The following HMCN1 variants were observed in gnomAD, a reference collection of about 807,000 sequenced individuals.
The protein encoded by HMCN1 is hemicentin-1.
HMCN1 carries 321 observed loss-of-function variants against 625.9 expected under a neutral mutation model. The ratio of observed to expected loss-of-function variants is 0.51; its 90% CI spans 0.47 to 0.56. HMCN1 has a LOEUF of 0.56. HMCN1 is among the 20% of genes least tolerant of loss of function. HMCN1 has a pLI of 0.00. For missense variants in HMCN1, 6,588 were observed against 6,887.3 expected (o/e 0.96, Z 1.54); for synonymous variants, 2,425 against 2,417.6 (o/e 1.00, Z -0.09).
At chr1:185,983,750 G>GAGTA (rs1651818678) in intron 18 of HMCN1, among the ~76,000 whole-genome samples, 1 of 152,206 alleles carries the variant, frequency 6.6e-6, no homozygotes, top group Non-Finnish European at 1.5e-5. Flanking sequence ...CCCTTGGCAT[G>GAGTA]AGTAAGTGCC....
intron 69 of HMCN1, among the ~76,000 whole-genome samples, chr1:186,105,930 A>G (rs1457066193): frequency 6.6e-6 from 1 of 152,202 alleles, no homozygotes; most frequent in African/African-American, 2.4e-5. Flanking sequence ...TTCTTAGGAA[A>G]TGGCACATCA....
chr1:185,743,349 G>A (rs1654116031), intron 1 of HMCN1, among the ~76,000 whole-genome samples: 1 of 152,162 alleles, frequency 6.6e-6, no homozygotes, highest in African/African-American at 2.4e-5. Flanking sequence ...TGCCTTTTTG[G>A]TGATAATATA....
In HMCN1 at chr1:186,190,432, T is replaced by C. The variant is rs568909011; in HGVS notation, c.*554T>C. ...ATTTTATAAAATATAGTACAGCTAC[T>C]ATAAGGCTTGTTTGATCCCAAATGG... On this transcript the variant is annotated 3_prime_UTR_variant, in exon 107 of 107. Coordinates refer to ENST00000271588, the MANE Select transcript of HMCN1 (RefSeq NM_031935.3). 8 of 197,628 alleles carry C rather than the reference T, an allele frequency of 4.0e-5. No homozygotes were observed. Among genetic ancestry groups the C allele is most frequent in the East Asian group, 8.0e-5 (1 of 12,506 alleles). The allele number at this position is 197,628 out of a possible 1,614,324, so 12.2% of individuals were successfully genotyped here.
intron 98 of HMCN1, 102 bp downstream of exon 98, chr1:186,165,275 C>A (rs1651810309): frequency 4.0e-6 from 4 of 1,010,916 alleles, no homozygotes; most frequent in Non-Finnish European, 4.6e-6. Context: ...ATTTAATCTT[C>A]ACAACAGTTC....
At chr1:186,065,458 A>C (rs752502767) in intron 49 of HMCN1, 29 bp downstream of exon 49, 2 of 1,516,712 alleles carry the variant, frequency 1.3e-6, no homozygotes, top group Admixed American at 4.1e-5. Flanking sequence ...TCATATCTTA[A>C]AGAATCTGAC....
At chr1:186,138,006 A>AACTTTTCTATC in intron 89 of HMCN1, 34 bp downstream of exon 89, 1 of 1,611,146 alleles carries the variant, frequency 6.2e-7, no homozygotes, top group Non-Finnish European at 8.5e-7. Context: ...AGATAAACAA[A>AACTTTTCTATC]ACTTTTCTAT....
At chr1:185,927,395 C>T (rs1005133103) in intron 9 of HMCN1, among the ~76,000 whole-genome samples, 1 of 152,070 alleles carries the variant, frequency 6.6e-6, no homozygotes, top group African/African-American at 2.4e-5. Flanking sequence ...CAAGAAGAAC[C>T]ACTGGCATGT....
chr1:186,062,423 G>T, intron 47 of HMCN1, 91 bp from the exon 48 acceptor site: 1 of 776,820 alleles, frequency 1.3e-6, no homozygotes, highest in South Asian at 1.4e-5. Flanking sequence ...TGTTTTGAAG[G>T]TTATAGCTTA....
Position 185,994,924 on chromosome 1 carries a change from C to A in HMCN1, c.3615C>A (p.Ser1205=). The change falls in exon 24 of 107, where the codon TCC becomes TCA. Residue 1205 remains serine (S), a synonymous_variant. Transcript: ENST00000271588. ...CTCCTCTTCCTGTAATCACCTGGTCCAAAGGTGGAAGCACTATGCTGGTTG... is the reference window on the plus strand; with the variant it reads ...CTCCTCTTCCTGTAATCACCTGGTCAAAAGGTGGAAGCACTATGCTGGTTG... The part of the protein sequence containing the change: ...QGTPLPVITW[S]KGGSTMLVDG... 1 of 1,613,822 alleles carries A rather than the reference C, an allele frequency of 6.2e-7. No homozygotes were observed. The highest frequency in any genetic ancestry group is 8.5e-7 in the Non-Finnish European group (1 of 1,179,822).
At chr1:186,126,526 T>G (rs1661654492) in intron 82 of HMCN1, among the ~76,000 whole-genome samples, 1 of 151,950 alleles carries the variant, frequency 6.6e-6, no homozygotes, top group Non-Finnish European at 1.5e-5. Flanking sequence ...AGGTTACAGT[T>G]GTAAATAGGG....
chr1:186,153,684 G>T, intron 96 of HMCN1, 66 bp from the exon 97 acceptor site: 1 of 1,284,840 alleles, frequency 7.8e-7, no homozygotes, highest in Non-Finnish European at 1.1e-6. Flanking sequence ...GCATTTCATA[G>T]TCCCCTTAAG....
At chr1:186,121,382 T>G (rs1263459587) in intron 80 of HMCN1, among the ~76,000 whole-genome samples, 2 of 152,172 alleles carry the variant, frequency 1.3e-5, no homozygotes, top group Non-Finnish European at 2.9e-5. Flanking sequence ...ACTGGAGTTG[T>G]AGTGTGTTAT....
Position 185,832,340 on chromosome 1 carries a change from C to T in HMCN1, c.269-13686C>T, listed in dbSNP as rs1176968685. On this transcript the variant is annotated intron_variant, in intron 1 of 106. Transcript: ENST00000271588. ...AAAGTTGATATGGAAAAATAATAAG[C>T]ATGAATGGCCAGAAAAATTTAGCAA... Among the ~76,000 whole-genome samples, 3 of 151,818 alleles carry T rather than the reference C, an allele frequency of 2.0e-5. No individual in the cohort carries two copies. In the South Asian group the frequency reaches 6.2e-4, roughly 32 times the overall value.
intron 96 of HMCN1, among the ~76,000 whole-genome samples, chr1:186,153,354 T>C (rs1650791127): frequency 6.6e-6 from 1 of 152,128 alleles, no homozygotes; most frequent in Non-Finnish European, 1.5e-5. Flanking sequence ...GTACAATTAT[T>C]ATACAAGTTT....
chr1:185,800,125 A>G (rs1429885029), intron 1 of HMCN1, among the ~76,000 whole-genome samples: 3 of 152,198 alleles, frequency 2.0e-5, no homozygotes, highest in African/African-American at 7.2e-5. Context: ...ACAGCCTACA[A>G]GGTGATAGTG....
chr1:186,105,607 C>T (rs1558227325), intron 69 of HMCN1, among the ~76,000 whole-genome samples: 1 of 152,196 alleles, frequency 6.6e-6, no homozygotes, highest in Non-Finnish European at 1.5e-5. Context: ...CTTTGTGAGC[C>T]ATAATGCATG....
chr1:185,889,705 G>C (rs1242963194), intron 4 of HMCN1, among the ~76,000 whole-genome samples: 1 of 139,772 alleles, frequency 7.2e-6, no homozygotes, highest in African/African-American at 3.1e-5. Context: ...TGCTGGATTC[G>C]GTTTGCCAGT....
chr1:186,029,935 C>T (rs533864208), intron 36 of HMCN1, among the ~76,000 whole-genome samples: 1 of 152,126 alleles, frequency 6.6e-6, no homozygotes, highest in Admixed American at 6.5e-5. Flanking sequence ...TTTCATTCCT[C>T]TCAAAATATT....
chr1:185,994,999 A>G lies in HMCN1; in HGVS notation c.3690A>G (p.Gln1230=). The change falls in exon 24 of 107, where the codon CAA becomes CAG. Residue 1230 remains glutamine (Q), a synonymous_variant. Transcript: ENST00000271588. ...SNPDGTLSID[Q]ATPSDAGIYT... ...CAGACGGAACTTTAAGCATCGACCA[A>G]GCCACGCCCTCAGATGCTGGCATAT... 6.2e-7 allele frequency: 1 copy of G among 1,613,882 alleles called. No homozygotes were observed. Among genetic ancestry groups the G allele is most frequent in the Non-Finnish European group, 8.5e-7 (1 of 1,179,842 alleles).
Sources: gnomAD v4.1 joint callset for allele counts (sites outside exome capture counted in the v4.1 genomes callset) on GRCh38, gnomAD v4.1.1 for gene constraint, MANE v1.5 for transcripts, NCBI Gene and HGNC (gene_info 2026-07-23, HGNC 2026-07-21) for gene names.